The following PRKCB variants were observed in gnomAD, a reference collection of about 807,000 sequenced individuals.
PRKCB encodes protein kinase C beta.
Under a neutral mutation model 81.5 loss-of-function variants are expected in PRKCB, and 13 were observed. The observed-to-expected ratio is 0.16, with a 90% CI of 0.10 to 0.25. The LOEUF (loss-of-function observed/expected upper bound fraction) is 0.25, where lower values mean the gene tolerates loss of function less well. Ranked by LOEUF, PRKCB falls within the 10% of genes least tolerant of loss-of-function variation. The probability of loss-of-function intolerance (pLI) is 1.00; values close to 1 mark genes in which losing one functional copy is unlikely to be tolerated. For synonymous variants in PRKCB, 335 were observed against 321.4 expected, an observed-to-expected ratio of 1.04 and a Z score of -0.45; for missense variants, 509 against 875.7, an observed-to-expected ratio of 0.58 and a Z score of 5.29.
At chr16:24,119,614 G>T (rs916477261) in intron 8 of PRKCB, among the ~76,000 whole-genome samples, 1 of 152,144 alleles carries the variant, frequency 6.6e-6, no homozygotes, top group African/African-American at 2.4e-5. Flanking sequence ...GCAGGGAGGG[G>T]AGTAGGGAAA....
chr16:24,130,891 ACGT>A (rs1211181238), intron 9 of PRKCB, among the ~76,000 whole-genome samples: 1 of 152,200 alleles, frequency 6.6e-6, no homozygotes, highest in Non-Finnish European at 1.5e-5. Context: ...GGTGGATGAC[ACGT>A]CGTCTCAGCC....
chr16:24,137,604 T>C (rs1966869457), intron 9 of PRKCB, among the ~76,000 whole-genome samples: 1 of 152,190 alleles, frequency 6.6e-6, no homozygotes, highest in South Asian at 2.1e-4. Context: ...CTGTCTCAGG[T>C]GATCATTCAT....
At chr16:24,028,734 T>G (rs1191364824) in intron 3 of PRKCB, among the ~76,000 whole-genome samples, 2 of 152,240 alleles carry the variant, frequency 1.3e-5, no homozygotes, top group Non-Finnish European at 2.9e-5. Flanking sequence ...GAACGACATT[T>G]GGGTCCTTTC....
chr16:23,977,102 TCTCTTCCTCCC>T (rs1400075753), intron 2 of PRKCB, among the ~76,000 whole-genome samples: 1 of 152,232 alleles, frequency 6.6e-6, no homozygotes, highest in Non-Finnish European at 1.5e-5. Flanking sequence ...AAGTTTGCTA[TCTCTTCCTCCC>T]CTCTTCCAGG....
At chr16:24,027,365 G>T (rs1196292982) in intron 3 of PRKCB, among the ~76,000 whole-genome samples, 1 of 152,190 alleles carries the variant, frequency 6.6e-6, no homozygotes, top group African/African-American at 2.4e-5. Flanking sequence ...GGGGGACTCT[G>T]ATAGGAACCT....
At chr16:24,037,044 G>A (rs1454619029) in intron 5 of PRKCB, among the ~76,000 whole-genome samples, 1 of 152,112 alleles carries the variant, frequency 6.6e-6, no homozygotes, top group Non-Finnish European at 1.5e-5. Context: ...GCTGGAGTGT[G>A]GTGGCGCCAT....
intron 5 of PRKCB, among the ~76,000 whole-genome samples, chr16:24,073,079 G>A (rs1966133909): frequency 6.6e-6 from 1 of 152,282 alleles, no homozygotes; most frequent in Admixed American, 6.5e-5. Context: ...GGCCTTGTTA[G>A]TTTCTTCTCC....
At chr16:24,139,764 T>A (rs1424219430) in intron 9 of PRKCB, among the ~76,000 whole-genome samples, 2 of 152,200 alleles carry the variant, frequency 1.3e-5, no homozygotes, top group African/African-American at 4.8e-5. Flanking sequence ...ATAAAGAGAT[T>A]TTTAAATACA....
intron 7 of PRKCB, among the ~76,000 whole-genome samples, chr16:24,105,731 A>T (rs1966568528): frequency 6.7e-6 from 1 of 150,118 alleles, no homozygotes. Context: ...GCTGCATAGT[A>T]TTCCATGGTG....
chr16:24,035,624 G>T, intron 5 of PRKCB, 77 bp downstream of exon 5: 1 of 1,413,042 alleles, frequency 7.1e-7, no homozygotes, highest in Non-Finnish European at 9.7e-7. Context: ...TGGCGGAGGG[G>T]TGGGGCAGTC....
intron 15 of PRKCB, among the ~76,000 whole-genome samples, chr16:24,189,331 C>A (rs1394989528): frequency 2.6e-5 from 4 of 152,084 alleles, no homozygotes; most frequent in African/African-American, 9.7e-5. Context: ...ATCAGGGAAG[C>A]TCATGCATGT....
chr16:23,954,614 G>A (rs1239192047), intron 2 of PRKCB, among the ~76,000 whole-genome samples: 1 of 152,182 alleles, frequency 6.6e-6, no homozygotes, highest in Non-Finnish European at 1.5e-5. Context: ...GGACAGCATG[G>A]ACACTAGAGC....
chr16:24,026,490 C>T (rs1965481829), intron 3 of PRKCB, among the ~76,000 whole-genome samples: 1 of 152,174 alleles, frequency 6.6e-6, no homozygotes, highest in Admixed American at 6.5e-5. Flanking sequence ...AAGAAAAGTG[C>T]AAAACCAACA....
chr16:24,122,366 A>G (rs1966808144), intron 8 of PRKCB, among the ~76,000 whole-genome samples: 1 of 150,966 alleles, frequency 6.6e-6, no homozygotes, highest in Non-Finnish European at 1.5e-5. Context: ...GATGGTATAT[A>G]TATTGGGCAG....
intron 13 of PRKCB, among the ~76,000 whole-genome samples, chr16:24,181,503 G>A (rs528991144): frequency 2.2e-4 from 34 of 152,144 alleles, no homozygotes; most frequent in East Asian, 5.8e-4. Context: ...GTGGCAGCTC[G>A]CGCCTGTAAT....
chr16:24,134,191 C>G (rs923809313), intron 9 of PRKCB, among the ~76,000 whole-genome samples: 4 of 152,154 alleles, frequency 2.6e-5, no homozygotes, highest in Admixed American at 2.6e-4. Flanking sequence ...AACCACCATG[C>G]CCAGTCCAAA....
At chr16:24,024,730 T>C (rs1295297992) in intron 3 of PRKCB, among the ~76,000 whole-genome samples, 1 of 152,222 alleles carries the variant, frequency 6.6e-6, no homozygotes, top group Non-Finnish European at 1.5e-5. Flanking sequence ...AGTGTCCACC[T>C]CTGCCCCAGT....
intron 2 of PRKCB, among the ~76,000 whole-genome samples, chr16:23,912,025 T>A (rs1237258508): frequency 6.6e-6 from 1 of 151,020 alleles, no homozygotes; most frequent in East Asian, 1.9e-4. Flanking sequence ...AGAGACGGAG[T>A]TTTGCCATGT....
chr16:24,196,674 T>A (rs1967884580), intron 16 of PRKCB, among the ~76,000 whole-genome samples: 3 of 152,218 alleles, frequency 2.0e-5, no homozygotes, highest in Non-Finnish European at 4.4e-5. Context: ...GCGGTGGGGT[T>A]TCAGATTCTG....
Sources: allele counts gnomAD v4.1 joint callset (sites outside exome capture counted in the v4.1 genomes callset), GRCh38; gene constraint gnomAD v4.1.1; transcripts MANE v1.5; gene names NCBI Gene and HGNC (gene_info 2026-07-23, HGNC 2026-07-21).